Variants in TP53I11 observed in about 807,000 individuals in gnomAD.
TP53I11 encodes tumor protein p53-inducible protein 11.
TP53I11 carries 9 observed loss-of-function variants against 23.3 expected under a neutral mutation model. The observed-to-expected ratio is 0.39, with a 90% CI of 0.23 to 0.67. TP53I11 has a LOEUF of 0.67. TP53I11 is among the 30% of genes least tolerant of loss of function. The probability of loss-of-function intolerance (pLI) is 0.48; values close to 1 mark genes in which losing one functional copy is unlikely to be tolerated. For synonymous variants in TP53I11, 100 were observed against 106.1 expected (o/e 0.94, Z 0.35); for missense variants, 170 against 255.2 (o/e 0.67, Z 2.27).
chr11:44,948,290 T>A (rs913297887), intron 1 of TP53I11, among the ~76,000 whole-genome samples: 3 of 152,094 alleles, frequency 2.0e-5, no homozygotes, highest in Admixed American at 6.5e-5. Context: ...GAGGAATTCA[T>A]CCCTTCTCAG....
At chr11:44,941,500 G>A (rs1340628355) in intron 1 of TP53I11, among the ~76,000 whole-genome samples, 1 of 152,168 alleles carries the variant, frequency 6.6e-6, no homozygotes, top group Non-Finnish European at 1.5e-5. Flanking sequence ...CTGTGTGCCC[G>A]TGGGCAGGTC....
In TP53I11 at chr11:44,949,781, T is replaced by C. The variant is rs564116995; in HGVS notation, c.-32+896A>G. The stretch of plus-strand genomic sequence containing the variant: ...CGGCCAGTGGCCCCACACTGTACCC[T>C]TCCTGCAGATCGCGCGACTTTGGGG... On this transcript the variant is annotated intron_variant, in intron 1 of 6. Transcript: ENST00000525680. Among the ~76,000 whole-genome samples, 3 of 152,282 alleles carry C rather than the reference T, an allele frequency of 2.0e-5. No individual in the cohort carries two copies. The South Asian group carries it at 6.2e-4, about 32-fold the overall frequency.
In TP53I11 at chr11:44,935,619, C is replaced by G; in HGVS notation, c.378G>C (p.Lys126Asn). 1 of 1,595,028 alleles carries G rather than the reference C, an allele frequency of 6.3e-7. No homozygotes were observed. Among genetic ancestry groups the G allele is most frequent in the Non-Finnish European group, 8.6e-7 (1 of 1,168,906 alleles). The stretch of plus-strand genomic sequence containing the variant: ...TGAGCAGGGTCCATCGAATGATGAC[C>G]TTCTCAGCCGTGTAGAGAGCGTTCC... ...IMWNALYTAE[K>N]VIIRWTLLTE... The change falls in exon 6 of 7, where the codon AAG (lysine) becomes AAC (asparagine). Residue 126 changes from lysine (K) to asparagine (N), a missense_variant. Lys to Asn is a moderately conservative substitution (Grantham distance 94, BLOSUM62 0). Coordinates refer to ENST00000525680, the MANE Select transcript of TP53I11 (RefSeq NM_006034.5).
At chr11:44,935,828 C>A (rs941740648) in intron 5 of TP53I11, 166 bp from the exon 6 acceptor site, 45 of 621,196 alleles carry the variant, frequency 7.2e-5, no homozygotes, top group Non-Finnish European at 1.3e-4. Flanking sequence ...GCTGTCTGTC[C>A]CCGATCCTGT....
chr11:44,943,132 G>A (rs1862054526), intron 1 of TP53I11: 1 of 152,248 alleles, frequency 6.6e-6, no homozygotes, highest in Admixed American at 6.5e-5. Context: ...TTGTGAAATG[G>A]GGGTAGTGAG....
rs150952844 is a variant in TP53I11, at chr11:44,939,586, G to A, written c.-31-1220C>T. Among the ~76,000 whole-genome samples the A allele has an allele frequency of 1.3e-3, 196 of 152,306 alleles. 1 individual carries two copies. The highest frequency in any genetic ancestry group is 4.5e-3 in the African/African-American group (189 of 41,566). Reference sequence around the variant, plus strand: ...AGAGGCAGAGTGCGGGGATGTCCCCGGGTCACCTCCCATTTTTGAGCCTCC... The same window carrying A: ...AGAGGCAGAGTGCGGGGATGTCCCCAGGTCACCTCCCATTTTTGAGCCTCC... On this transcript the variant is annotated intron_variant, in intron 1 of 6. Transcript: ENST00000525680.
intron 1 of TP53I11, among the ~76,000 whole-genome samples, chr11:44,941,652 A>G (rs934956734): frequency 2.6e-5 from 4 of 152,160 alleles, no homozygotes; most frequent in African/African-American, 9.7e-5. Flanking sequence ...GCAAGTCCCC[A>G]GTGAAGACAG....
intron 1 of TP53I11, among the ~76,000 whole-genome samples, chr11:44,944,733 T>C (rs1862224753): frequency 6.6e-6 from 1 of 152,188 alleles, no homozygotes; most frequent in Non-Finnish European, 1.5e-5. Flanking sequence ...CTACTACTTC[T>C]GTACAAAGCC....
chr11:44,946,465 A>T (rs945889402), intron 1 of TP53I11, among the ~76,000 whole-genome samples: 1 of 152,250 alleles, frequency 6.6e-6, no homozygotes, highest in African/African-American at 2.4e-5. Flanking sequence ...CACTGGGCTC[A>T]GTGTCCAGGC....
chr11:44,949,444 G>A lies in TP53I11; in HGVS notation c.-32+1233C>T, dbSNP rs1332206320. Among the ~76,000 whole-genome samples, 3 of 152,202 alleles carry A rather than the reference G, an allele frequency of 2.0e-5. No homozygotes were observed. In the South Asian group the frequency reaches 6.2e-4, roughly 31 times the overall value. On this transcript the variant is annotated intron_variant, in intron 1 of 6. Coordinates refer to ENST00000525680, the MANE Select transcript of TP53I11 (RefSeq NM_006034.5). ...AAGTGCAGGGTAGTGGGGCGGTGAG[G>A]GGGCCTTGGCCAGCCGCTCTGGGCT... is the stretch of plus-strand genomic sequence containing the variant.
chr11:44,942,335 CCACA>C (rs151152697), intron 1 of TP53I11, among the ~76,000 whole-genome samples: 3 of 146,264 alleles, frequency 2.1e-5, no homozygotes, highest in African/African-American at 5.1e-5. Context: ...ACCATAGACA[CCACA>C]CACACACACC....
chr11:44,937,664 C>G, intron 2 of TP53I11, 51 bp from the exon 3 acceptor site: 1 of 1,572,456 alleles, frequency 6.4e-7, no homozygotes, highest in Non-Finnish European at 8.7e-7. Flanking sequence ...GCTCTCAGCG[C>G]CCCCACTCGC....
In TP53I11 at chr11:44,936,987, C is replaced by T. The variant is rs569454001; in HGVS notation, c.238-88G>A. Reference sequence around the variant, plus strand: ...GCTTCCCACAGACGTCTTCCTTCCCCGCCAGGAGCAGGATCAGCATCCTTG... The same window carrying T: ...GCTTCCCACAGACGTCTTCCTTCCCTGCCAGGAGCAGGATCAGCATCCTTG... On this transcript the variant is annotated intron_variant, in intron 4 of 6. Transcript: ENST00000525680. This position sits in a 1 kb window ranked among gnomAD's most constrained non-coding sequence, Gnocchi z 4.4. The T allele has an allele frequency of 1.4e-5, 14 of 979,062 alleles. No individual in the cohort carries two copies. Among genetic ancestry groups the T allele is most frequent in the Admixed American group, 1.3e-4 (5 of 38,718 alleles). The allele number at this position is 979,062 out of a possible 1,614,324, so 60.6% of individuals were successfully genotyped here. A position where few individuals can be genotyped will look rare whatever the true frequency, so the allele number is the denominator to read the frequency against.
chr11:44,935,557 T>C lies in TP53I11; in HGVS notation c.436+4A>G. ...CCTCCCTCACTGCCCACCTCAGGAC[T>C]CACCCAAGAACTGGACCCCGAAATA... On this transcript the variant is annotated splice_donor_region_variant and intron_variant, in intron 6 of 6. Transcript: ENST00000525680. 1 of 1,613,760 alleles carries C rather than the reference T, an allele frequency of 6.2e-7. No homozygotes were observed. The highest frequency in any genetic ancestry group is 2.2e-5 in the East Asian group (1 of 44,882).
chr11:44,938,717 GA>G (rs1861441768), intron 1 of TP53I11, among the ~76,000 whole-genome samples: 1 of 152,170 alleles, frequency 6.6e-6, no homozygotes, highest in African/African-American at 2.4e-5. Context: ...GGGAGGAAAG[GA>G]GCCTGGATTC....
chr11:44,950,243 G>A (rs1234778403), intron 1 of TP53I11: 1 of 152,250 alleles, frequency 6.6e-6, no homozygotes, highest in Admixed American at 6.5e-5. Flanking sequence ...ACCGAGCGCG[G>A]GGGACCGAGT....
In TP53I11 at chr11:44,932,730, T is replaced by G. The variant is rs1276475250; in HGVS notation, c.*2154A>C. 1 of 152,336 alleles carries G rather than the reference T, an allele frequency of 6.6e-6. No individual in the cohort carries two copies. Among genetic ancestry groups the G allele is most frequent in the Admixed American group, 6.5e-5 (1 of 15,274 alleles). 9.4% of individuals were successfully genotyped at this position (152,336 alleles called of 1,614,324 possible). A position where few individuals can be genotyped will look rare whatever the true frequency, so the allele number is the denominator to read the frequency against. ...CCCTCCCTCACCCTCACCTGCAGGC[T>G]CCACTACAATTAGCTCTAACCAAGC... On this transcript the variant is annotated 3_prime_UTR_variant, in exon 7 of 7. Coordinates refer to ENST00000525680, the MANE Select transcript of TP53I11 (RefSeq NM_006034.5).
intron 1 of TP53I11, among the ~76,000 whole-genome samples, chr11:44,948,653 C>T (rs1862616885): frequency 6.6e-6 from 1 of 152,198 alleles, no homozygotes; most frequent in Non-Finnish European, 1.5e-5. Context: ...AGCTGTCTCC[C>T]CAGTGCCTGA....
chr11:44,942,208 G>A lies in TP53I11; in HGVS notation c.-31-3842C>T, dbSNP rs111210728. ...CACACACACCACACATACCCACCAC[G>A]CACACACACCCACCACACACCTACC... On this transcript the variant is annotated intron_variant, in intron 1 of 6. Coordinates refer to ENST00000525680, the MANE Select transcript of TP53I11 (RefSeq NM_006034.5). Among the ~76,000 whole-genome samples the A allele has an allele frequency of 5.3e-3, 479 of 89,900 alleles. 3 individuals carry two copies. Among genetic ancestry groups the A allele is most frequent in the African/African-American group, 0.019 (436 of 22,796 alleles). 59.0% of individuals were successfully genotyped at this position (89,900 alleles called of 152,430 possible).
Sources: gnomAD v4.1 joint callset for allele counts (sites outside exome capture counted in the v4.1 genomes callset) on GRCh38, gnomAD v4.1.1 for gene constraint, Gnocchi (gnomAD v3.1) non-coding constraint, MANE v1.5 for transcripts, NCBI Gene and HGNC (gene_info 2026-07-23, HGNC 2026-07-21) for gene names.